ESRRG: variants seen among roughly 807,000 people sequenced by gnomAD.
ESRRG encodes the protein estrogen related receptor gamma.
Under a neutral mutation model 44.0 loss-of-function variants are expected in ESRRG, and 13 were observed. That is an observed-to-expected ratio of 0.30 (90% CI 0.19 to 0.47). The LOEUF (loss-of-function observed/expected upper bound fraction) is 0.47, where lower values mean the gene tolerates loss of function less well. ESRRG is among the 20% of genes least tolerant of loss of function. ESRRG has a pLI of 1.00. For missense variants in ESRRG, 395 were observed against 580.6 expected (o/e 0.68, Z 3.29); for synonymous variants, 215 against 214.6 (o/e 1.00, Z -0.02).
At chr1:216,948,103 T>C (rs1269500141) in intron 1 of ESRRG, among the ~76,000 whole-genome samples, 1 of 152,100 alleles carries the variant, frequency 6.6e-6, no homozygotes, top group African/African-American at 2.4e-5. Flanking sequence ...AAAATTAACT[T>C]TTATTATGTT....
At chr1:217,081,675 C>G (rs1359784913) in intron 1 of ESRRG, among the ~76,000 whole-genome samples, 1 of 151,906 alleles carries the variant, frequency 6.6e-6, no homozygotes, top group African/African-American at 2.4e-5. Context: ...ACCTCCAGGC[C>G]TCAAATAATC....
intron 3 of ESRRG, among the ~76,000 whole-genome samples, chr1:216,634,124 CT>C (rs1415260179): frequency 6.6e-6 from 1 of 152,154 alleles, no homozygotes; most frequent in East Asian, 1.9e-4. Context: ...CTGATCATTC[CT>C]TTTCCACGCT....
At chr1:217,082,086 C>G (rs931628797) in intron 1 of ESRRG, among the ~76,000 whole-genome samples, 1 of 152,192 alleles carries the variant, frequency 6.6e-6, no homozygotes, top group African/African-American at 2.4e-5. Context: ...GTCCAGCTGC[C>G]CAGCTGCCCT....
At chr1:216,658,996 A>C (rs1358691407) in intron 2 of ESRRG, among the ~76,000 whole-genome samples, 4 of 152,174 alleles carry the variant, frequency 2.6e-5, no homozygotes, top group Non-Finnish European at 5.9e-5. Context: ...TGGCTGTGTG[A>C]ACTTGAACTA....
chr1:216,516,668 C>CACACACACACACACAGAG (rs376701865), intron 6 of ESRRG, among the ~76,000 whole-genome samples: 341 of 137,222 alleles, frequency 2.5e-3, no homozygotes, highest in Middle Eastern at 3.8e-3. Context: ...CACACACACA[C>CACACACACACACACAGAG]AGAGAGAGAG....
At position 216,924,318 on chromosome 1, in the gene ESRRG, C is replaced by T. The variant is rs542612750; in HGVS notation, c.-14+15264G>A. Among the ~76,000 whole-genome samples the T allele has an allele frequency of 2.0e-4, 31 of 152,296 alleles. No individual in the cohort carries two copies. The South Asian group carries it at 6.0e-3, about 30-fold the overall frequency. On this transcript the variant is annotated intron_variant, in intron 2 of 7. Transcript: ENST00000359162. ...AGTCTCTATCCTAACATGCAGATTTCCACTGGTTGAAAGGGGAGGCCAAAA... is the reference window on the plus strand; with the variant it reads ...AGTCTCTATCCTAACATGCAGATTTTCACTGGTTGAAAGGGGAGGCCAAAA...
rs2041199989 is a variant in ESRRG at position 216,506,336 on chromosome 1, T to C, written c.*603A>G. On this transcript the variant is annotated 3_prime_UTR_variant, in exon 7 of 7. Coordinates refer to ENST00000408911, the MANE Select transcript of ESRRG (RefSeq NM_001438.4). Reference sequence around the variant, plus strand: ...ACAATAAGTTCACTGGCATCCATATTATGGATCTCCATCCTTTGGCAGGGC... The same window carrying C: ...ACAATAAGTTCACTGGCATCCATATCATGGATCTCCATCCTTTGGCAGGGC... 1 of 281,466 alleles carries C rather than the reference T, an allele frequency of 3.6e-6. No homozygotes were observed. Among genetic ancestry groups the C allele is most frequent in the African/African-American group, 2.2e-5 (1 of 45,046 alleles). The allele number at this position is 281,466 out of a possible 1,614,324, so 17.4% of individuals were successfully genotyped here.
rs551079224 is a variant in ESRRG, at chr1:216,653,939, C to A, written c.473-2850G>T. ...GACCAGCTTGGCTAACATGGCAAAA[C>A]CCCATCTCTACCAAAAAAAAAAAAA... On this transcript the variant is annotated intron_variant, in intron 2 of 6. Coordinates refer to ENST00000408911, the MANE Select transcript of ESRRG (RefSeq NM_001438.4). 2.9e-3 allele frequency among the ~76,000 whole-genome samples: 425 copies of A among 145,996 alleles called. 2 individuals are homozygous for A. Among genetic ancestry groups the A allele is most frequent in the African/African-American group, 8.6e-3 (348 of 40,396 alleles).
intron 2 of ESRRG, among the ~76,000 whole-genome samples, chr1:216,917,239 T>C (rs1283544289): frequency 6.6e-6 from 1 of 151,132 alleles, no homozygotes; most frequent in Non-Finnish European, 1.5e-5. Flanking sequence ...AATGCTTAGG[T>C]CTGGAACTGG....
Position 216,589,321 on chromosome 1 carries a change from C to T in ESRRG, c.590-21223G>A, listed in dbSNP as rs542574572. Among the ~76,000 whole-genome samples, 33 of 152,148 alleles carry T rather than the reference C, an allele frequency of 2.2e-4. 1 individual carries two copies. The highest frequency in any genetic ancestry group is 8.0e-4 in the African/African-American group (33 of 41,496). The stretch of plus-strand genomic sequence containing the variant: ...GGCTGAGGACAGCTTTGAATGTGGC[C>T]CAACACAAATTCATAAAATTTCTTA... On this transcript the variant is annotated intron_variant, in intron 3 of 6. Transcript: ENST00000408911.
chr1:216,714,503 T>A (rs1416686753), intron 1 of ESRRG: 3 of 683,526 alleles, frequency 4.4e-6, no homozygotes, highest in Non-Finnish European at 5.4e-6. Context: ...ATAGACAATA[T>A]CACCGAACTT....
At chr1:216,679,795 T>G (rs2076740673) in intron 1 of ESRRG, among the ~76,000 whole-genome samples, 1 of 152,056 alleles carries the variant, frequency 6.6e-6, no homozygotes, top group Admixed American at 6.6e-5. Flanking sequence ...TTGCAAAATT[T>G]GCAGAACTCT....
At chr1:216,924,205 G>A (rs1443255648) in intron 2 of ESRRG, among the ~76,000 whole-genome samples, 1 of 152,120 alleles carries the variant, frequency 6.6e-6, no homozygotes, top group African/African-American at 2.4e-5. Flanking sequence ...ATATTTCCAT[G>A]ACTGCTACTG....
chr1:216,741,581 C>T (rs905257090), intron 2 of ESRRG, among the ~76,000 whole-genome samples: 1 of 152,070 alleles, frequency 6.6e-6, no homozygotes, highest in African/African-American at 2.4e-5. Flanking sequence ...TGTGATTTTA[C>T]TTCTCTTATT....
At chr1:217,084,674 G>C (rs1580505351) in intron 1 of ESRRG, among the ~76,000 whole-genome samples, 1 of 152,176 alleles carries the variant, frequency 6.6e-6, no homozygotes, top group East Asian at 1.9e-4. Context: ...TGTTTGTATA[G>C]GGAAAGTAAA....
intron 2 of ESRRG, among the ~76,000 whole-genome samples, chr1:216,807,427 A>G (rs904449732): frequency 6.6e-6 from 1 of 152,126 alleles, no homozygotes; most frequent in Non-Finnish European, 1.5e-5. Flanking sequence ...AGTTTAATTT[A>G]CAAACTAGAC....
intron 1 of ESRRG, among the ~76,000 whole-genome samples, chr1:217,081,732 C>T (rs566194160): frequency 6.6e-6 from 1 of 152,184 alleles, no homozygotes; most frequent in African/African-American, 2.4e-5. Flanking sequence ...GTGTAAGCCA[C>T]AGCACCCAGC....
At chr1:216,798,517 A>G (rs1368630835) in intron 2 of ESRRG, among the ~76,000 whole-genome samples, 1 of 152,188 alleles carries the variant, frequency 6.6e-6, no homozygotes, top group Non-Finnish European at 1.5e-5. Flanking sequence ...TGCCTCCTGA[A>G]AATCCTGCAA....
intron 2 of ESRRG, among the ~76,000 whole-genome samples, chr1:216,837,885 G>T (rs1197395303): frequency 2.0e-5 from 3 of 152,182 alleles, no homozygotes; most frequent in Non-Finnish European, 4.4e-5. Context: ...GCTTTACATT[G>T]TGAGGTGTTT....
Sources: gnomAD v4.1 joint callset for allele counts (sites outside exome capture counted in the v4.1 genomes callset) on GRCh38, gnomAD v4.1.1 for gene constraint, MANE v1.5 for transcripts, NCBI Gene and HGNC (gene_info 2026-07-23, HGNC 2026-07-21) for gene names.